The following CC2D2B variants were observed in gnomAD, a reference collection of about 807,000 sequenced individuals.
The protein encoded by CC2D2B is protein CC2D2B.
Under a neutral mutation model 161.2 loss-of-function variants are expected in CC2D2B, and 128 were observed. That is an observed-to-expected ratio of 0.79 (90% CI 0.69 to 0.92). CC2D2B has a LOEUF of 0.92. CC2D2B is among the 40% of genes least tolerant of loss of function. CC2D2B has a pLI of 0.00. For synonymous variants in CC2D2B, 391 were observed against 449.8 expected (o/e 0.87, Z 1.65); for missense variants, 1,173 against 1,375.1 (o/e 0.85, Z 2.32).
chr10:95,938,967 T>A lies in CC2D2B; in HGVS notation c.801+42T>A, dbSNP rs747235835. 6.1e-6 allele frequency: 4 copies of A among 657,378 alleles called. 1 individual carries two copies. The South Asian group carries it at 7.3e-5, about 12-fold the overall frequency. The allele number at this position is 657,378 out of a possible 1,614,324, so 40.7% of individuals were successfully genotyped here. A position where few individuals can be genotyped will look rare whatever the true frequency, so the allele number is the denominator to read the frequency against. On this transcript the variant is annotated intron_variant, in intron 9 of 34. Coordinates refer to ENST00000646931, the MANE Select transcript of CC2D2B (RefSeq NM_001349008.3). ...TATTTGTAATTATGGTTAAAATTCT[T>A]GTAATATCAATTATCGCTGGTGGTT...
At chr10:96,002,471 G>A (rs1236899324) in intron 24 of CC2D2B, among the ~76,000 whole-genome samples, 2 of 152,162 alleles carry the variant, frequency 1.3e-5, no homozygotes, top group Non-Finnish European at 2.9e-5. Context: ...ACAGAATACA[G>A]AATGCAAAAT....
At chr10:95,946,136 C>G (rs531538296) in intron 9 of CC2D2B, among the ~76,000 whole-genome samples, 1 of 152,274 alleles carries the variant, frequency 6.6e-6, no homozygotes, top group South Asian at 2.1e-4. Context: ...CTCCAGGTCA[C>G]TTCTACTTAT....
chr10:96,032,611 T>G lies in CC2D2B; in HGVS notation c.*603T>G. On this transcript the variant is annotated 3_prime_UTR_variant, in exon 35 of 35. Coordinates refer to ENST00000646931, the MANE Select transcript of CC2D2B (RefSeq NM_001349008.3). ...AAGCTGCTCGAGTGGAAAACTAAGG[T>G]CATTGCCTCTCATGGATAAAATGTT... 3.0e-6 allele frequency: 1 copy of G among 336,342 alleles called. No individual in the cohort carries two copies. Among genetic ancestry groups the G allele is most frequent in the Non-Finnish European group, 6.1e-6 (1 of 164,790 alleles). 20.8% of individuals were successfully genotyped at this position (336,342 alleles called of 1,614,324 possible). A position where few individuals can be genotyped will look rare whatever the true frequency, so the allele number is the denominator to read the frequency against.
intron 12 of CC2D2B, 56 bp from the exon 13 acceptor site, chr10:95,965,840 A>G (rs1296172621): frequency 3.2e-6 from 2 of 616,270 alleles, no homozygotes; most frequent in East Asian, 7.0e-5. Context: ...ATCTCGAACA[A>G]CTCTCAAATA....
intron 25 of CC2D2B, among the ~76,000 whole-genome samples, chr10:96,006,916 T>G (rs1156633190): frequency 1.3e-5 from 2 of 152,198 alleles, no homozygotes; most frequent in African/African-American, 2.4e-5. Flanking sequence ...GTTCCCATAC[T>G]AATAGATTCC....
At chr10:95,970,611 G>A (rs1033458163) in intron 15 of CC2D2B, among the ~76,000 whole-genome samples, 1 of 152,136 alleles carries the variant, frequency 6.6e-6, no homozygotes, top group African/African-American at 2.4e-5. Flanking sequence ...CTGTCCAGGG[G>A]CTGGCCTCCA....
chr10:95,924,529 C>CTCTATA, intron 4 of CC2D2B, 139 bp downstream of exon 4: 1 of 558,522 alleles, frequency 1.8e-6, no homozygotes, highest in Non-Finnish European at 3.2e-6. Context: ...CTCTCTCTCT[C>CTCTATA]TATATATATA....
intron 21 of CC2D2B, among the ~76,000 whole-genome samples, chr10:95,992,170 G>A (rs1279598210): frequency 6.6e-6 from 1 of 152,198 alleles, no homozygotes; most frequent in Non-Finnish European, 1.5e-5. Context: ...TCAGAGCCAT[G>A]GATAAAATGT....
At chr10:95,912,864 G>T (rs771181784) in intron 2 of CC2D2B, among the ~76,000 whole-genome samples, 1 of 151,888 alleles carries the variant, frequency 6.6e-6, no homozygotes, top group East Asian at 1.9e-4. Context: ...TAGGTATGGG[G>T]TACATGAGAT....
intron 24 of CC2D2B, among the ~76,000 whole-genome samples, chr10:96,003,746 A>G (rs1356637540): frequency 6.6e-6 from 1 of 152,086 alleles, no homozygotes; most frequent in Non-Finnish European, 1.5e-5. Context: ...GTGAGCCACC[A>G]TGCCGGGCCG....
intron 3 of CC2D2B, 111 bp from the exon 4 acceptor site, chr10:95,924,203 T>C (rs2098533906): frequency 5.8e-6 from 3 of 516,438 alleles, no homozygotes; most frequent in Non-Finnish European, 6.8e-6. Flanking sequence ...ATAATTGTCA[T>C]GAGGCTTAGA....
chr10:95,997,923 A>C (rs963003777), intron 24 of CC2D2B, among the ~76,000 whole-genome samples: 1 of 152,214 alleles, frequency 6.6e-6, no homozygotes, highest in Admixed American at 6.5e-5. Context: ...TAAAGTGATT[A>C]TATCAATATA....
At chr10:95,969,279 A>G (rs895879638) in intron 15 of CC2D2B, among the ~76,000 whole-genome samples, 1 of 152,208 alleles carries the variant, frequency 6.6e-6, no homozygotes, top group Non-Finnish European at 1.5e-5. Flanking sequence ...TGGTGGCTTC[A>G]GTCTCTTGCT....
intron 17 of CC2D2B, among the ~76,000 whole-genome samples, chr10:95,978,469 G>A (rs1224720295): frequency 6.6e-6 from 1 of 152,136 alleles, no homozygotes; most frequent in Admixed American, 6.5e-5. Flanking sequence ...CAACTCTCCT[G>A]CCTCAGCCTC....
intron 33 of CC2D2B, among the ~76,000 whole-genome samples, chr10:96,025,192 A>AAAAAAATAT (rs1284499689): frequency 2.0e-5 from 1 of 49,204 alleles, no homozygotes; most frequent in African/African-American, 8.3e-5. Context: ...TATAAAAAAA[A>AAAAAAATAT]ATATATATAT....
chr10:95,995,349 A>C lies in CC2D2B; in HGVS notation c.2723A>C (p.Asp908Ala). The C allele has an allele frequency of 1.3e-6, 2 of 1,513,018 alleles. No homozygotes were observed. The highest frequency in any genetic ancestry group is 8.9e-7 in the Non-Finnish European group (1 of 1,128,220). The allele number at this position is 1,513,018 out of a possible 1,614,324, so 93.7% of individuals were successfully genotyped here. ...GAAACAATCAAATCAGTAGCCTCAGATGAGACCTTACATGAGGTAAGTATT... is the reference window on the plus strand; with the variant it reads ...GAAACAATCAAATCAGTAGCCTCAGCTGAGACCTTACATGAGGTAAGTATT... Reference protein sequence around the residue: ...HRETIKSVASDETLHEDTVHP... With the variant: ...HRETIKSVASAETLHEDTVHP... The change falls in exon 23 of 35, where the codon GAT (aspartate) becomes GCT (alanine). Residue 908 changes from aspartate to alanine, a missense_variant. Transcript: ENST00000646931.
chr10:95,960,116 G>A (rs1018011906), intron 11 of CC2D2B, among the ~76,000 whole-genome samples: 12 of 152,194 alleles, frequency 7.9e-5, no homozygotes, highest in African/African-American at 1.4e-4. Flanking sequence ...CACTTAAGCA[G>A]TTTTCTTAAG....
At chr10:96,022,631 T>C (rs754273295) in intron 32 of CC2D2B, 2 of 152,228 alleles carry the variant, frequency 1.3e-5, no homozygotes, top group Non-Finnish European at 2.9e-5. Context: ...CTCTTGTTTG[T>C]TTAATGTATA....
intron 19 of CC2D2B, among the ~76,000 whole-genome samples, chr10:95,985,574 C>T (rs931287656): frequency 7.9e-5 from 12 of 152,116 alleles, no homozygotes; most frequent in African/African-American, 2.2e-4. Context: ...GGATGAATGT[C>T]GCCCTAGGAC....
Sources: allele counts gnomAD v4.1 joint callset (sites outside exome capture counted in the v4.1 genomes callset), GRCh38; gene constraint gnomAD v4.1.1; transcripts MANE v1.5; gene names NCBI Gene and HGNC (gene_info 2026-07-23, HGNC 2026-07-21).